CILP2: variants seen among roughly 807,000 people sequenced by gnomAD.
CILP2 encodes cartilage intermediate layer protein 2, also known as CILP-2.
A neutral mutation model predicts 45.6 loss-of-function variants in CILP2; 38 were observed. That is an observed-to-expected ratio of 0.83 (90% CI 0.64 to 1.09). The LOEUF (loss-of-function observed/expected upper bound fraction) is 1.09, where lower values mean the gene tolerates loss of function less well. Ranked by LOEUF, CILP2 falls within the 50% of genes least tolerant of loss-of-function variation. CILP2 has a pLI of 0.00. For missense variants in CILP2, 1,735 were observed against 1,662.2 expected, an observed-to-expected ratio of 1.04 and a Z score of -0.76; for synonymous variants, 780 against 723.5, an observed-to-expected ratio of 1.08 and a Z score of -1.25.
chr19:19,540,061 A>G, intron 2 of CILP2, 143 bp from the exon 3 acceptor site: 1 of 1,179,942 alleles, frequency 8.5e-7, no homozygotes, highest in Non-Finnish European at 1.1e-6. Context: ...CACCTGTTTC[A>G]GGCCGCTGGC....
At chr19:19,538,755 A>G (rs2061231915) in intron 1 of CILP2, among the ~76,000 whole-genome samples, 1 of 152,220 alleles carries the variant, frequency 6.6e-6, no homozygotes. Flanking sequence ...CCGCTGGAGA[A>G]AGAAATGCCC....
At chr19:19,539,809 G>A (rs762412047) in intron 2 of CILP2, 32 bp downstream of exon 2, 35 of 1,525,806 alleles carry the variant, frequency 2.3e-5, no homozygotes, top group Non-Finnish European at 2.6e-5. Context: ...TCCCGTCTCT[G>A]CTGCGGGCTT....
In CILP2 at chr19:19,540,305, G is replaced by C; in HGVS notation, c.265G>C (p.Val89Leu). 6.3e-7 allele frequency: 1 copy of C among 1,587,054 alleles called. No individual in the cohort carries two copies. ...CCGCTTCTACTACGGGCCAGCGCGC[G>C]TGTGCCCGCGACCGCTGGCGCTGGA... is the stretch of plus-strand genomic sequence containing the variant. Reference protein sequence around the residue: ...AIRFYYGPARVCPRPLALEAR... With the variant: ...AIRFYYGPARLCPRPLALEAR... The change falls in exon 3 of 8, where the codon GTG becomes CTG. Residue 89 changes from valine (V) to leucine (L), a missense_variant. Transcript: ENST00000291495.
intron 2 of CILP2, 49 bp downstream of exon 2, chr19:19,539,826 G>T: frequency 2.1e-6 from 3 of 1,453,300 alleles, no homozygotes; most frequent in African/African-American, 1.4e-5. Context: ...GCTTGTTGGG[G>T]GTGGGGCTTG....
chr19:19,540,942 G>T, intron 3 of CILP2, 149 bp from the exon 4 acceptor site: 1 of 736,964 alleles, frequency 1.4e-6, no homozygotes, highest in Non-Finnish European at 1.9e-6. Flanking sequence ...CATGGGTGGG[G>T]GCGATGGCAG....
intron 2 of CILP2, among the ~76,000 whole-genome samples, chr19:19,539,988 G>T (rs2061237687): frequency 6.6e-6 from 1 of 152,220 alleles, no homozygotes; most frequent in Non-Finnish European, 1.5e-5. Flanking sequence ...TCAGCGCACC[G>T]GGATGGACCA....
At position 19,542,931 on chromosome 19, in the gene CILP2, C is replaced by T. The variant is rs753789478; in HGVS notation, c.936C>T (p.Cys312=). ...AGGCTGGCCAGAATGTGACTTTCTG[C>T]TGCAAAGCCTCCGGGACCCCCATGC... ...VREAGQNVTF[C]CKASGTPMPK... Residue 312 remains cysteine (C), a synonymous_variant, in exon 6 of 8, where the codon TGC becomes TGT. Transcript: ENST00000291495. 6.2e-6 allele frequency: 10 copies of T among 1,613,910 alleles called. No homozygotes were observed. In the South Asian group the frequency reaches 1.1e-4, roughly 18 times the overall value.
At position 19,538,455 on chromosome 19, in the gene CILP2, C is replaced by G. The variant is rs1213936355; in HGVS notation, c.64+42C>G. On this transcript the variant is annotated intron_variant, in intron 1 of 7. Coordinates refer to ENST00000291495, the MANE Select transcript of CILP2 (RefSeq NM_153221.2). The stretch of plus-strand genomic sequence containing the variant: ...CCCCGCGCCCAGCCCCTGAGGCTCC[C>G]GAGGGCCTGGCAGCCGGCCTTGGGT... 2.8e-6 allele frequency: 4 copies of G among 1,431,880 alleles called. No homozygotes were observed. In the East Asian group the frequency reaches 8.4e-5, roughly 30 times the overall value. The allele number at this position is 1,431,880 out of a possible 1,614,324, so 88.7% of individuals were successfully genotyped here.
chr19:19,545,656 G>A lies in CILP2; in HGVS notation c.3111G>A (p.Pro1037=), dbSNP rs1428184212. The A allele has an allele frequency of 3.7e-6, 6 of 1,609,238 alleles. No homozygotes were observed. Among genetic ancestry groups the A allele is most frequent in the Non-Finnish European group, 4.2e-6 (5 of 1,177,914 alleles). Residue 1037 remains proline, a synonymous_variant, in exon 8 of 8, where the codon CCG becomes CCA. Coordinates refer to ENST00000291495, the MANE Select transcript of CILP2 (RefSeq NM_153221.2). Reference sequence around the variant, plus strand: ...ATTACCTGACCCGGCACCCCCCACCGGTGCCCGCGGAGGACCCAGCTGCCT... The same window carrying A: ...ATTACCTGACCCGGCACCCCCCACCAGTGCCCGCGGAGGACCCAGCTGCCT... ...LRDYLTRHPP[P]VPAEDPAAFS...
Position 19,542,432 on chromosome 19 carries a change from C to T in CILP2, c.650C>T (p.Thr217Ile). 1.9e-6 allele frequency: 3 copies of T among 1,612,336 alleles called. No individual in the cohort carries two copies. The highest frequency in any genetic ancestry group is 2.5e-6 in the Non-Finnish European group (3 of 1,180,000). ...CACATCCTCCTGGGCTCGGTGGTCA[C>T]CCCATCTGGGCAACCACTGCTAGGA... ...PDHILLGSVV[T>I]PSGQPLLGAR... The change falls in exon 5 of 8, where the codon ACC becomes ATC. Residue 217 changes from threonine (T) to isoleucine (I), a missense_variant. By Grantham distance (89) the Thr-to-Ile change is moderately conservative (BLOSUM62 -1). Coordinates refer to ENST00000291495, the MANE Select transcript of CILP2 (RefSeq NM_153221.2).
chr19:19,540,336 G>A lies in CILP2; in HGVS notation c.296G>A (p.Arg99His), dbSNP rs1374359916. 7 of 1,568,262 alleles carry A rather than the reference G, an allele frequency of 4.5e-6. No homozygotes were observed. The highest frequency in any genetic ancestry group is 2.3e-5 in the South Asian group (2 of 87,142). The change falls in exon 3 of 8, where the codon CGC (arginine) becomes CAC (histidine). Residue 99 changes from arginine (R) to histidine (H), a missense_variant. Arg to His is a conservative substitution (Grantham distance 29). Transcript: ENST00000291495. ...VCPRPLALEA[R>H]TTDWALPSAV... ...CCGCGACCGCTGGCGCTGGAAGCGC[G>A]CACCACGGACTGGGCCCTGCCGTCC...
Position 19,540,457 on chromosome 19 carries a change from G to A in CILP2, c.417G>A (p.Val139=). ...PRGRRCSNYH[V]RFRCPLEASW... is the part of the protein sequence containing the mutation. ...GCCGCCGCTGCTCCAACTACCACGTGCGCTTCCGCTGCCCACTAGGTGAGG... is the reference window on the plus strand; with the variant it reads ...GCCGCCGCTGCTCCAACTACCACGTACGCTTCCGCTGCCCACTAGGTGAGG... Residue 139 remains valine (V), a synonymous_variant, in exon 3 of 8, where the codon GTG becomes GTA. Transcript: ENST00000291495. 6.9e-7 allele frequency: 1 copy of A among 1,442,910 alleles called. No individual in the cohort carries two copies. The highest frequency in any genetic ancestry group is 9.1e-7 in the Non-Finnish European group (1 of 1,101,312). 89.4% of individuals were successfully genotyped at this position (1,442,910 alleles called of 1,614,324 possible).
intron 3 of CILP2, 55 bp downstream of exon 3, chr19:19,540,531 A>T: frequency 3.0e-6 from 1 of 329,180 alleles, no homozygotes; most frequent in Non-Finnish European, 4.6e-6. Context: ...GGGCTGGCGA[A>T]CGCCGGGAAG....
chr19:19,544,431 A>T lies in CILP2; in HGVS notation c.1886A>T (p.Asp629Val). 6.2e-7 allele frequency: 1 copy of T among 1,609,298 alleles called. No individual in the cohort carries two copies. The highest frequency in any genetic ancestry group is 8.5e-7 in the Non-Finnish European group (1 of 1,179,616). ...ASAPSDLRFV[D>V]SDGELAPLRT... Reference sequence around the variant, plus strand: ...GCCCCCAGTGACCTGCGCTTCGTGGACAGCGACGGCGAGCTGGCTCCACTG... The same window carrying T: ...GCCCCCAGTGACCTGCGCTTCGTGGTCAGCGACGGCGAGCTGGCTCCACTG... Residue 629 changes from aspartate to valine, a missense_variant, in exon 8 of 8, where the codon GAC (aspartate) becomes GTC (valine). Coordinates refer to ENST00000291495, the MANE Select transcript of CILP2 (RefSeq NM_153221.2).
intron 3 of CILP2, 132 bp from the exon 4 acceptor site, chr19:19,540,959 T>C (rs2061241328): frequency 2.3e-6 from 2 of 862,786 alleles, no homozygotes; most frequent in African/African-American, 3.5e-5. Context: ...GCAGATCTGC[T>C]CTCTGGAGTG....
At chr19:19,539,563 C>CA (rs34962863) in intron 1 of CILP2, 116 bp from the exon 2 acceptor site, 77,373 of 385,562 alleles carry the variant, frequency 0.2, 2,678 homozygotes, top group African/African-American at 0.38. Context: ...GATTCCGTCT[C>CA]AAAAAAAAAA....
rs759902954 is a variant in CILP2, at chr19:19,545,832, C to T, written c.3287C>T (p.Ala1096Val). ...DGFSREMKAD[A>V]GTAVTFQCRE... ...TTCTCCAGAGAGATGAAGGCTGATG[C>T]CGGCACAGCCGTCACCTTCCAGTGC... is the stretch of plus-strand genomic sequence containing the variant. Residue 1096 changes from alanine (A) to valine (V), a missense_variant, in exon 8 of 8, where the codon GCC (alanine) becomes GTC (valine). Coordinates refer to ENST00000291495, the MANE Select transcript of CILP2 (RefSeq NM_153221.2). 1.1e-5 allele frequency: 18 copies of T among 1,584,012 alleles called. No homozygotes were observed. In the South Asian group the frequency reaches 1.8e-4, roughly 16 times the overall value.
At chr19:19,540,704 C>T (rs952992412) in intron 3 of CILP2, 1 of 530,356 alleles carries the variant, frequency 1.9e-6, no homozygotes, top group Admixed American at 4.0e-5. Context: ...CCAAGTGCAC[C>T]GTCAGGAGGC....
Position 19,544,568 on chromosome 19 carries a change from C to A in CILP2, c.2023C>A (p.His675Asn). The change falls in exon 8 of 8, where the codon CAC becomes AAC. Residue 675 changes from histidine (H) to asparagine (N), a missense_variant. By Grantham distance (68) the His-to-Asn change is moderately conservative (BLOSUM62 1). Coordinates refer to ENST00000291495, the MANE Select transcript of CILP2 (RefSeq NM_153221.2). ...CGCCAGCCAGATCCACATGCCAGGC[C>A]ACGTGGAGGCCCTCAAGCTGTGGTC... Reference protein sequence around the residue: ...VAASQIHMPGHVEALKLWSLN... With the variant: ...VAASQIHMPGNVEALKLWSLN... 1 of 1,576,348 alleles carries A rather than the reference C, an allele frequency of 6.3e-7. No individual in the cohort carries two copies.
Sources: gnomAD v4.1 joint callset for allele counts (sites outside exome capture counted in the v4.1 genomes callset) on GRCh38, gnomAD v4.1.1 for gene constraint, MANE v1.5 for transcripts, NCBI Gene and HGNC (gene_info 2026-07-23, HGNC 2026-07-21) for gene names.